The following ATAD2B variants were observed in gnomAD, a reference collection of about 807,000 sequenced individuals.
The protein encoded by ATAD2B is ATPase family AAA domain-containing protein 2B.
A neutral mutation model predicts 167.6 loss-of-function variants in ATAD2B; 40 were observed. The observed-to-expected ratio is 0.24, with a 90% CI of 0.19 to 0.31. The LOEUF is 0.31. Ranked by LOEUF, ATAD2B falls within the 10% of genes least tolerant of loss-of-function variation. ATAD2B has a pLI of 1.00. For missense variants in ATAD2B, 1,242 were observed against 1,757.2 expected (o/e 0.71, Z 5.24); for synonymous variants, 579 against 596.5 (o/e 0.97, Z 0.43).
At chr2:23,882,087 C>A (rs1408801143) in intron 6 of ATAD2B, among the ~76,000 whole-genome samples, 1 of 152,186 alleles carries the variant, frequency 6.6e-6, no homozygotes, top group Non-Finnish European at 1.5e-5. Context: ...TAGCTGGACG[C>A]AGAGGCACCT....
In ATAD2B at chr2:23,880,750, G is replaced by GACA; in HGVS notation, c.789_790insTGT (p.Ser263_Gln264insCys). 6.4e-7 allele frequency: 1 copy of GACA among 1,569,940 alleles called. No homozygotes were observed. The highest frequency in any genetic ancestry group is 8.7e-7 in the Non-Finnish European group (1 of 1,145,596). ...ACTTCTATATCTCCATCCTCCTCTT[G>GACA]AGATTCTAGTTTCCCACACACAAAA... is the stretch of plus-strand genomic sequence containing the variant. On this transcript the variant is annotated inframe_insertion, in exon 7 of 28. Transcript: ENST00000238789.
chr2:23,891,535 G>A (rs189163362), intron 2 of ATAD2B, among the ~76,000 whole-genome samples: 12 of 150,650 alleles, frequency 8.0e-5, no homozygotes, highest in Non-Finnish European at 1.5e-4. Flanking sequence ...TCACTCTGTC[G>A]CCCACGGTGG....
chr2:23,914,606 G>A (rs568040073), intron 1 of ATAD2B, among the ~76,000 whole-genome samples: 2 of 152,176 alleles, frequency 1.3e-5, no homozygotes, highest in South Asian at 2.1e-4. Context: ...TTGGTAGGCC[G>A]AGGCAGGCAG....
rs764299109 is a variant in ATAD2B, at chr2:23,895,862, T to C, written c.325A>G (p.Thr109Ala). 46 of 1,613,186 alleles carry C rather than the reference T, an allele frequency of 2.9e-5. No homozygotes were observed. The highest frequency in any genetic ancestry group is 3.8e-5 in the Non-Finnish European group (45 of 1,179,474). Reference protein sequence around the residue: ...VCKDKSKSRSTGQREEWNLST... With the variant: ...VCKDKSKSRSAGQREEWNLST... ...AAGTTCCATTCCTCTCGCTGACCAG[T>C]ACTTCGTGATTTTGATTTGTCTTTG... The change falls in exon 2 of 28, where the codon ACT becomes GCT. Residue 109 changes from threonine (T) to alanine (A), a missense_variant. Thr to Ala is a moderately conservative substitution (Grantham distance 58). Transcript: ENST00000238789.
intron 7 of ATAD2B, among the ~76,000 whole-genome samples, chr2:23,880,231 A>G (rs1697666903): frequency 6.6e-6 from 1 of 152,208 alleles, no homozygotes; most frequent in Admixed American, 6.5e-5. Context: ...GCTACCATGT[A>G]CTTTGACTTT....
rs201779812 is a variant in ATAD2B at position 23,864,811 on chromosome 2, T to G, written c.1302A>C (p.Pro434=). 29 of 1,508,826 alleles carry G rather than the reference T, an allele frequency of 1.9e-5. No homozygotes were observed. The highest frequency in any genetic ancestry group is 2.4e-5 in the Non-Finnish European group (27 of 1,103,936). The allele number at this position is 1,508,826 out of a possible 1,614,324, so 93.5% of individuals were successfully genotyped here. Residue 434 remains proline, a splice_region_variant and synonymous_variant, in exon 11 of 28, where the codon CCA becomes CCC. Coordinates refer to ENST00000238789, the MANE Select transcript of ATAD2B (RefSeq NM_017552.4). ...TAAACATCTATGACATTGCTTACCT[T>G]GGAGGCTGAATTTTAAACTTTTCAA... The part of the protein sequence containing the change: ...EIFEKFKIQP[P]RGCLFYGPPG...
intron 22 of ATAD2B, among the ~76,000 whole-genome samples, chr2:23,779,338 G>A (rs892966192): frequency 6.6e-6 from 1 of 151,566 alleles, no homozygotes; most frequent in African/African-American, 2.4e-5. Flanking sequence ...ACCACGCCTC[G>A]CTAATTTTTT....
At chr2:23,783,093 C>A in intron 21 of ATAD2B, 65 bp from the exon 22 acceptor site, 2 of 838,694 alleles carry the variant, frequency 2.4e-6, no homozygotes, top group Non-Finnish European at 3.4e-6. Context: ...CATAAAAACA[C>A]AAAATAAAAA....
Position 23,816,505 on chromosome 2 carries a change from A to G in ATAD2B, c.2267+3242T>C, listed in dbSNP as rs560229807. Among the ~76,000 whole-genome samples the G allele has an allele frequency of 8.5e-5, 13 of 152,316 alleles. No homozygotes were observed. In the South Asian group the frequency reaches 1.9e-3, roughly 22 times the overall value. ...ACTGACATGAAATAATATTCCCAAC[A>G]TAGTGGATGAAAAAGTAAGTTATAT... On this transcript the variant is annotated intron_variant, in intron 17 of 27. Transcript: ENST00000238789.
At position 23,782,861 on chromosome 2, in the gene ATAD2B, A is replaced by C; in HGVS notation, c.3133+8T>G. ...TATCAAGGGGAACCTTGCCCTATGCATCCTTACCTCCTGGGTCCTTATCTG... is the reference window on the plus strand; with the variant it reads ...TATCAAGGGGAACCTTGCCCTATGCCTCCTTACCTCCTGGGTCCTTATCTG... On this transcript the variant is annotated splice_region_variant and intron_variant, in intron 22 of 27. Transcript: ENST00000238789. 1 of 1,604,908 alleles carries C rather than the reference A, an allele frequency of 6.2e-7. No individual in the cohort carries two copies.
intron 18 of ATAD2B, among the ~76,000 whole-genome samples, chr2:23,805,353 G>A (rs1248647000): frequency 5.9e-5 from 9 of 152,086 alleles, no homozygotes; most frequent in Non-Finnish European, 1.2e-4. Flanking sequence ...CAGTTTTTGA[G>A]AATACTTGCT....
rs1397940228 is a variant in ATAD2B at position 23,869,692 on chromosome 2, T to C, written c.1047A>G (p.Lys349=). The C allele has an allele frequency of 1.3e-6, 2 of 1,567,322 alleles. No homozygotes were observed. Among genetic ancestry groups the C allele is most frequent in the African/African-American group, 1.3e-5 (1 of 74,330 alleles). The stretch of plus-strand genomic sequence containing the variant: ...TTCTTGCTCTTGCCATGCTCTTTGA[T>C]TTCCTTCTTTCAAAGCGTTCCTCAT... ...SSDEERFERR[K]SKSMARARNR... The change falls in exon 9 of 28, where the codon AAA becomes AAG. Residue 349 remains lysine, a synonymous_variant. Coordinates refer to ENST00000238789, the MANE Select transcript of ATAD2B (RefSeq NM_017552.4).
At chr2:23,745,679 T>C (rs957843087), downstream of ATAD2B, among the ~76,000 whole-genome samples, 5 of 152,190 alleles carry the variant, frequency 3.3e-5, no homozygotes. Context: ...CCTCCCACAG[T>C]TGCTGTGATA....
At chr2:23,703,886 C>G in the ATAD2B span, 3 of 1,531,238 alleles carry the variant, frequency 2.0e-6, no homozygotes, top group Admixed American at 2.0e-5. Flanking sequence ...GGCGCCTTGA[C>G]TAGGGCTGGG....
intron 16 of ATAD2B, among the ~76,000 whole-genome samples, chr2:23,820,282 TA>T (rs1164880856): frequency 1.3e-5 from 2 of 152,200 alleles, no homozygotes; most frequent in East Asian, 3.8e-4. Context: ...CCAGTTCTTA[TA>T]AAAGCAACAA....
At chr2:23,712,663 C>G in the ATAD2B span, among the ~76,000 whole-genome samples, 3 of 152,080 alleles carry the variant, frequency 2.0e-5, no homozygotes, top group African/African-American at 7.2e-5. Context: ...GGTCAAGGAG[C>G]TGAATAACAT....
chr2:23,907,074 C>A (rs1474898280), intron 1 of ATAD2B, among the ~76,000 whole-genome samples: 2 of 151,308 alleles, frequency 1.3e-5, no homozygotes, highest in Non-Finnish European at 2.9e-5. Context: ...GGGATGCCCT[C>A]TCTCACCACT....
chr2:23,782,831 T>A, intron 22 of ATAD2B, 38 bp downstream of exon 22: 1 of 1,539,644 alleles, frequency 6.5e-7, no homozygotes, highest in South Asian at 1.2e-5. Context: ...TGTCTTCTGA[T>A]TGATTATCAA....
chr2:23,804,027 G>A (rs974899883), intron 18 of ATAD2B, among the ~76,000 whole-genome samples: 2 of 152,128 alleles, frequency 1.3e-5, no homozygotes, highest in African/African-American at 4.8e-5. Flanking sequence ...CAAGAAAGGT[G>A]AAGCAAAAAG....
Sources: gnomAD v4.1 joint callset for allele counts (sites outside exome capture counted in the v4.1 genomes callset) on GRCh38, gnomAD v4.1.1 for gene constraint, MANE v1.5 for transcripts, NCBI Gene and HGNC (gene_info 2026-07-23, HGNC 2026-07-21) for gene names.